Variants in ILDR1 observed in about 807,000 individuals in gnomAD.
ILDR1 encodes the protein immunoglobulin-like domain-containing receptor 1.
ILDR1 carries 56 observed loss-of-function variants against 62.4 expected under a neutral mutation model. That is an observed-to-expected ratio of 0.90 (90% CI 0.72 to 1.12). The LOEUF is 1.12. ILDR1 is among the 50% of genes most tolerant of loss of function. The pLI, the probability that ILDR1 is intolerant of heterozygous loss-of-function variation, is 0.00. For synonymous variants in ILDR1, 284 were observed against 277.8 expected (o/e 1.02, Z -0.22); for missense variants, 736 against 710.6 (o/e 1.04, Z -0.41).
At chr3:122,014,105 T>G (rs1025529131) in intron 1 of ILDR1, among the ~76,000 whole-genome samples, 5 of 152,246 alleles carry the variant, frequency 3.3e-5, no homozygotes, top group African/African-American at 1.2e-4. Flanking sequence ...ATGGTTGAGA[T>G]TTAACCCTTT....
At chr3:122,045,197 G>T in the ILDR1 span, among the ~76,000 whole-genome samples, 8 of 149,778 alleles carry the variant, frequency 5.3e-5, no homozygotes, top group South Asian at 4.4e-4. Context: ...TTCAGGAGCA[G>T]GTTGTTCAGT....
chr3:122,042,040 A>G, the ILDR1 span, among the ~76,000 whole-genome samples: 3 of 119,414 alleles, frequency 2.5e-5, no homozygotes, highest in African/African-American at 9.8e-5. Context: ...AGCATTAGGT[A>G]TATCTCCCAA....
the ILDR1 span, among the ~76,000 whole-genome samples, chr3:122,041,040 A>G: frequency 1.0e-3 from 159 of 152,366 alleles, 1 homozygote; most frequent in East Asian, 0.03. Flanking sequence ...TATCCGAAAT[A>G]TATAAAGAAC....
chr3:121,993,174 T>C lies in ILDR1; in HGVS notation c.1575A>G (p.Lys525=), dbSNP rs151225236. The C allele has an allele frequency of 5.6e-6, 9 of 1,608,716 alleles. No individual in the cohort carries two copies. The highest frequency in any genetic ancestry group is 7.6e-6 in the Non-Finnish European group (9 of 1,177,676). ...CCGAGCGCCTCTCCACACTCCCTTTTTTCCTGCTATTCTTGCCTGGAGTGA... is the reference window on the plus strand; with the variant it reads ...CCGAGCGCCTCTCCACACTCCCTTTCTTCCTGCTATTCTTGCCTGGAGTGA... ...LDITPGKNSR[K]KGSVERRSEK... is the part of the protein sequence containing the mutation. Residue 525 remains lysine (K), a synonymous_variant, in exon 7 of 8, where the codon AAA becomes AAG. Transcript: ENST00000344209.
the ILDR1 span, among the ~76,000 whole-genome samples, chr3:122,048,768 A>G: frequency 6.6e-6 from 1 of 152,050 alleles, no homozygotes; most frequent in African/African-American, 2.4e-5. Flanking sequence ...ATCAATTGCA[A>G]TGTCTCCTGT....
Position 121,993,462 on chromosome 3 carries a change from C to T in ILDR1, c.1287G>A (p.Glu429=), listed in dbSNP as rs1433696029. The T allele has an allele frequency of 1.9e-6, 3 of 1,614,224 alleles. No individual in the cohort carries two copies. The highest frequency in any genetic ancestry group is 2.5e-6 in the Non-Finnish European group (3 of 1,180,032). ...GAGGGTGGCTCGGCCGCCAGCGTGC[C>T]TCACTGGATGAGGGGACATCGCTTA... is the stretch of plus-strand genomic sequence containing the variant. The part of the protein sequence containing the change: ...DSLSDVPSSS[E]ARWRPSHPPF... Residue 429 remains glutamate, a synonymous_variant, in exon 7 of 8, where the codon GAG becomes GAA. Transcript: ENST00000344209.
rs1008239647 is a variant in ILDR1 at position 122,004,734 on chromosome 3, G to A, written c.379+510C>T. On this transcript the variant is annotated intron_variant, in intron 3 of 7. Transcript: ENST00000344209. ...ATCACTGGTCACTGAGCTAGTGAGA[G>A]GAAGCACTAGGATTCTCACTTGGGG... 2.0e-5 allele frequency among the ~76,000 whole-genome samples: 3 copies of A among 152,222 alleles called. No homozygotes were observed. In the East Asian group the frequency reaches 5.8e-4, roughly 29 times the overall value.
the ILDR1 span, among the ~76,000 whole-genome samples, chr3:122,045,699 T>C: frequency 6.6e-6 from 1 of 151,502 alleles, no homozygotes; most frequent in Non-Finnish European, 1.5e-5. Flanking sequence ...TTTTGATCTT[T>C]GTTGGTTTAA....
the ILDR1 span, among the ~76,000 whole-genome samples, chr3:122,031,022 T>G: frequency 6.6e-6 from 1 of 152,334 alleles, no homozygotes; most frequent in South Asian, 2.1e-4. Context: ...TTTCTCTTTT[T>G]CGTCGCCTAG....
chr3:121,998,321 C>T (rs2071467790), intron 5 of ILDR1, among the ~76,000 whole-genome samples: 1 of 152,270 alleles, frequency 6.6e-6, no homozygotes, highest in East Asian at 1.9e-4. Context: ...TTAGGATTAC[C>T]TTATTCTACA....
chr3:122,046,788 C>G, the ILDR1 span, among the ~76,000 whole-genome samples: 3 of 136,224 alleles, frequency 2.2e-5, no homozygotes, highest in African/African-American at 8.3e-5. Context: ...TTAAGCACTT[C>G]CCTGTATTGG....
the ILDR1 span, among the ~76,000 whole-genome samples, chr3:122,043,215 CAGATAGTTGT>C: frequency 6.8e-6 from 1 of 147,408 alleles, no homozygotes; most frequent in East Asian, 2.0e-4. Flanking sequence ...TGTCAAAGAT[CAGATAGTTGT>C]AGATATGCGG....
the ILDR1 span, among the ~76,000 whole-genome samples, chr3:122,028,703 A>C: frequency 6.6e-6 from 1 of 152,268 alleles, no homozygotes; most frequent in South Asian, 2.1e-4. Context: ...GGTAATCAGG[A>C]CAATGGAAAC....
In ILDR1 at chr3:122,013,551, C is replaced by T. The variant is rs191745734; in HGVS notation, c.59-6390G>A. Among the ~76,000 whole-genome samples, 4 of 152,204 alleles carry T rather than the reference C, an allele frequency of 2.6e-5. No homozygotes were observed. In the East Asian group the frequency reaches 7.7e-4, roughly 29 times the overall value. On this transcript the variant is annotated intron_variant, in intron 1 of 7. Transcript: ENST00000344209. The stretch of plus-strand genomic sequence containing the variant: ...TTTATGGCTGAGCAGGCTATCTCAC[C>T]AAGCATATTTACCATCAGTGCCTGT...
intron 1 of ILDR1, among the ~76,000 whole-genome samples, chr3:122,021,199 G>A (rs566113625): frequency 6.6e-6 from 1 of 152,192 alleles, no homozygotes; most frequent in African/African-American, 2.4e-5. Flanking sequence ...ACAGGGTGGA[G>A]CTTCCAAGGG....
chr3:122,056,559 C>G, the ILDR1 span, among the ~76,000 whole-genome samples: 1 of 152,132 alleles, frequency 6.6e-6, no homozygotes, highest in Non-Finnish European at 1.5e-5. Flanking sequence ...GTCTCGATCT[C>G]TTGACCTTGT....
the ILDR1 span, among the ~76,000 whole-genome samples, chr3:122,031,017 C>CT: frequency 6.6e-6 from 1 of 152,204 alleles, no homozygotes; most frequent in Non-Finnish European, 1.5e-5. Flanking sequence ...CTAACTTTCT[C>CT]TTTTTCGTCG....
the ILDR1 span, among the ~76,000 whole-genome samples, chr3:122,040,108 A>T: frequency 1.3e-5 from 2 of 152,046 alleles, no homozygotes; most frequent in Non-Finnish European, 2.9e-5. Context: ...TTTCACATAC[A>T]TGAAAGATTT....
chr3:122,005,202 T>TGCCCCCC, intron 3 of ILDR1, 42 bp downstream of exon 3: 2 of 1,216,414 alleles, frequency 1.6e-6, no homozygotes, highest in Non-Finnish European at 2.4e-6. Flanking sequence ...TGTCTGCACC[T>TGCCCCCC]CCCCCCACCC....
Sources: allele counts gnomAD v4.1 joint callset (sites outside exome capture counted in the v4.1 genomes callset), GRCh38; gene constraint gnomAD v4.1.1; transcripts MANE v1.5; gene names NCBI Gene and HGNC (gene_info 2026-07-23, HGNC 2026-07-21).